Variants in PDE1A observed in about 807,000 individuals in gnomAD.
PDE1A encodes dual specificity calcium/calmodulin-dependent 3',5'-cyclic nucleotide phosphodiesterase 1A.
PDE1A carries 35 observed loss-of-function variants against 61.7 expected under a neutral mutation model. That is an observed-to-expected ratio of 0.57 (90% CI 0.43 to 0.75). The LOEUF (loss-of-function observed/expected upper bound fraction) is 0.75, where lower values mean the gene tolerates loss of function less well. Ranked by LOEUF, PDE1A falls within the 30% of genes least tolerant of loss-of-function variation. PDE1A has a pLI of 0.00. For missense variants in PDE1A, 597 were observed against 630.6 expected (o/e 0.95, Z 0.57); for synonymous variants, 232 against 213.2 (o/e 1.09, Z -0.77).
intron 1 of PDE1A, among the ~76,000 whole-genome samples, chr2:182,324,211 A>T (rs571071130): frequency 5.3e-5 from 8 of 152,148 alleles, no homozygotes; most frequent in African/African-American, 1.9e-4. Context: ...TGAGGAGGGG[A>T]TAATACTAAC....
chr2:182,318,031 A>G (rs558809564), intron 1 of PDE1A, among the ~76,000 whole-genome samples: 1 of 152,280 alleles, frequency 6.6e-6, no homozygotes, highest in Admixed American at 6.5e-5. Context: ...GTGCCCCAGC[A>G]TACAACAAGC....
chr2:182,688,755 C>T, the PDE1A span, among the ~76,000 whole-genome samples: 15 of 152,240 alleles, frequency 9.9e-5, no homozygotes, highest in African/African-American at 3.4e-4. Flanking sequence ...AGAGTCAAGA[C>T]CCATCAGTCT....
intron 6 of PDE1A, among the ~76,000 whole-genome samples, chr2:182,226,721 A>C (rs191874886): frequency 1.0e-4 from 15 of 150,012 alleles, no homozygotes; most frequent in Admixed American, 8.6e-4. Flanking sequence ...GATTCCTAAT[A>C]GGCAGAAATA....
chr2:182,634,699 A>G, the PDE1A span, among the ~76,000 whole-genome samples: 1 of 152,230 alleles, frequency 6.6e-6, no homozygotes, highest in Non-Finnish European at 1.5e-5. Context: ...GAAAAAAACA[A>G]GTTTCTAATG....
At chr2:182,155,104 A>G (rs1475300670) in intron 13 of PDE1A, among the ~76,000 whole-genome samples, 1 of 47,762 alleles carries the variant, frequency 2.1e-5, no homozygotes, top group Non-Finnish European at 4.6e-5. Flanking sequence ...TTTTTTTTTT[A>G]AGAGAGGGTC....
At chr2:182,460,583 T>G (rs1686218831) in intron 2 of PDE1A, among the ~76,000 whole-genome samples, 1 of 152,110 alleles carries the variant, frequency 6.6e-6, no homozygotes, top group Non-Finnish European at 1.5e-5. Context: ...TTGCCTTGTT[T>G]CCTTTGCTCG....
At chr2:182,337,148 T>G (rs951330417) in intron 1 of PDE1A, among the ~76,000 whole-genome samples, 3 of 152,158 alleles carry the variant, frequency 2.0e-5, no homozygotes, top group Non-Finnish European at 4.4e-5. Context: ...GAGTTTAATG[T>G]ATACACTTTG....
At chr2:182,307,866 A>G (rs1695695007) in intron 1 of PDE1A, among the ~76,000 whole-genome samples, 1 of 152,142 alleles carries the variant, frequency 6.6e-6, no homozygotes, top group Non-Finnish European at 1.5e-5. Flanking sequence ...GACAAAAACA[A>G]AAACTAAAAT....
At chr2:182,626,314 A>C in the PDE1A span, among the ~76,000 whole-genome samples, 5 of 152,184 alleles carry the variant, frequency 3.3e-5, no homozygotes, top group Non-Finnish European at 5.9e-5. Context: ...ATTGAATCTG[A>C]ATTCAATTTC....
chr2:182,661,607 G>T, the PDE1A span, among the ~76,000 whole-genome samples: 1 of 152,062 alleles, frequency 6.6e-6, no homozygotes, highest in Non-Finnish European at 1.5e-5. Flanking sequence ...ATATGGAACG[G>T]CTGGAAACGA....
At chr2:182,144,533 A>G (rs2125256572), downstream of PDE1A, among the ~76,000 whole-genome samples, 1 of 152,336 alleles carries the variant, frequency 6.6e-6, no homozygotes, top group East Asian at 1.9e-4. Flanking sequence ...ACATTGATTT[A>G]TGAAGTCTCA....
At chr2:182,227,811 G>C (rs1239184613) in intron 6 of PDE1A, among the ~76,000 whole-genome samples, 1 of 152,056 alleles carries the variant, frequency 6.6e-6, no homozygotes, top group Non-Finnish European at 1.5e-5. Context: ...CCATTTATAA[G>C]AACAGAATTT....
At chr2:182,491,066 G>A (rs1441215283) in intron 2 of PDE1A, among the ~76,000 whole-genome samples, 3 of 152,082 alleles carry the variant, frequency 2.0e-5, no homozygotes, top group Non-Finnish European at 4.4e-5. Context: ...TGCAGTTTTC[G>A]CCATTACTTT....
the PDE1A span, among the ~76,000 whole-genome samples, chr2:182,621,141 C>T: frequency 1.3e-3 from 193 of 152,282 alleles, no homozygotes; most frequent in African/African-American, 4.4e-3. Flanking sequence ...CATCCCAAGA[C>T]TCTAAGTCTG....
intron 2 of PDE1A, among the ~76,000 whole-genome samples, chr2:182,253,706 T>C (rs981090192): frequency 2.6e-5 from 4 of 152,090 alleles, no homozygotes; most frequent in Non-Finnish European, 5.9e-5. Context: ...TCACTTGGCC[T>C]TAAAAAAGGG....
intron 1 of PDE1A, among the ~76,000 whole-genome samples, chr2:182,316,754 A>G (rs74633703): frequency 0.018 from 2,705 of 152,264 alleles, 65 homozygotes; most frequent in East Asian, 0.081. Flanking sequence ...CAGACTCTGA[A>G]TATACGAAAA....
chr2:182,533,685 T>C, the PDE1A span, among the ~76,000 whole-genome samples: 1 of 152,136 alleles, frequency 6.6e-6, no homozygotes, highest in African/African-American at 2.4e-5. Flanking sequence ...ATAATTACAA[T>C]GGAATATCAA....
chr2:182,448,253 CTTT>C (rs1050956657), intron 2 of PDE1A, among the ~76,000 whole-genome samples: 1 of 152,040 alleles, frequency 6.6e-6, no homozygotes, highest in African/African-American at 2.4e-5. Context: ...CTCCTTTCTT[CTTT>C]ATTTTAAACC....
At chr2:182,709,748 A>G in the PDE1A span, among the ~76,000 whole-genome samples, 1 of 152,230 alleles carries the variant, frequency 6.6e-6, no homozygotes, top group Non-Finnish European at 1.5e-5. Context: ...GATTTATTAC[A>G]CTGAGACTGG....
Sources: allele counts gnomAD v4.1 joint callset (sites outside exome capture counted in the v4.1 genomes callset), GRCh38; gene constraint gnomAD v4.1.1; transcripts MANE v1.5; gene names NCBI Gene and HGNC (gene_info 2026-07-23, HGNC 2026-07-21).